RAPGEF4: variants seen among roughly 807,000 people sequenced by gnomAD.
The protein encoded by RAPGEF4 is RAP guanine-nucleotide-exchange factor (GEF) 4.
RAPGEF4 carries 66 observed loss-of-function variants against 147.9 expected under a neutral mutation model. That is an observed-to-expected ratio of 0.45 (90% CI 0.37 to 0.55). RAPGEF4 has a LOEUF of 0.55. Among genes scored for constraint, RAPGEF4 ranks in the 20% least tolerant of loss-of-function variants. RAPGEF4 has a pLI of 0.00. For missense variants in RAPGEF4, 1,071 were observed against 1,257.3 expected (o/e 0.85, Z 2.24); for synonymous variants, 419 against 442.7 (o/e 0.95, Z 0.67).
intron 6 of RAPGEF4, among the ~76,000 whole-genome samples, chr2:172,924,223 C>G (rs1559123426): frequency 1.3e-5 from 2 of 152,194 alleles, no homozygotes; most frequent in African/African-American, 2.4e-5. Flanking sequence ...GTTCTAGGCT[C>G]CAAAAGGAAG....
chr2:172,913,853 A>G (rs1047554949), intron 4 of RAPGEF4, among the ~76,000 whole-genome samples: 1 of 152,190 alleles, frequency 6.6e-6, no homozygotes, highest in African/African-American at 2.4e-5. Flanking sequence ...AGTGAAAACT[A>G]AGTCTCTCTC....
intron 5 of RAPGEF4, among the ~76,000 whole-genome samples, chr2:172,921,193 T>C (rs1486559418): frequency 6.6e-6 from 1 of 152,098 alleles, no homozygotes; most frequent in African/African-American, 2.4e-5. Context: ...TTGCTCACTA[T>C]AGCCTTAACC....
chr2:172,787,834 G>A (rs1048215262), intron 1 of RAPGEF4, among the ~76,000 whole-genome samples: 1 of 151,966 alleles, frequency 6.6e-6, no homozygotes, highest in Non-Finnish European at 1.5e-5. Context: ...TGCCCAGGGT[G>A]GTCTTGAACT....
chr2:172,737,443 A>C (rs1301042025), intron 1 of RAPGEF4, among the ~76,000 whole-genome samples: 1 of 92,908 alleles, frequency 1.1e-5, no homozygotes, highest in Non-Finnish European at 2.3e-5. Flanking sequence ...CTTCCTTATG[A>C]GCAAAATTTT....
intron 4 of RAPGEF4, among the ~76,000 whole-genome samples, chr2:172,902,587 C>T (rs1368061789): frequency 3.3e-5 from 5 of 152,146 alleles, no homozygotes; most frequent in Non-Finnish European, 1.5e-5. Flanking sequence ...TCATGCCCCA[C>T]CCCTTCAAAC....
At chr2:172,794,830 C>T (rs1350332469) in intron 1 of RAPGEF4, among the ~76,000 whole-genome samples, 195 bp from the exon 2 acceptor site, 1 of 152,042 alleles carries the variant, frequency 6.6e-6, no homozygotes, top group African/African-American at 2.4e-5. Context: ...TGATTTAAGG[C>T]GAATAGTTGG....
intron 4 of RAPGEF4, among the ~76,000 whole-genome samples, chr2:172,882,668 T>A (rs1460092426): frequency 6.6e-6 from 1 of 152,180 alleles, no homozygotes; most frequent in Non-Finnish European, 1.5e-5. Flanking sequence ...GGTCATTTCA[T>A]CTCTGAGACT....
chr2:172,988,313 A>G, intron 13 of RAPGEF4, 41 bp downstream of exon 13: 2 of 1,580,242 alleles, frequency 1.3e-6, no homozygotes, highest in Non-Finnish European at 8.5e-7. Flanking sequence ...ATTACGCTCC[A>G]CTTACTAGTG....
Position 173,017,496 on chromosome 2 carries a change from C to A in RAPGEF4, c.2000C>A (p.Ser667Tyr). The A allele has an allele frequency of 6.2e-7, 1 of 1,613,500 alleles. No homozygotes were observed. The highest frequency in any genetic ancestry group is 8.5e-7 in the Non-Finnish European group (1 of 1,179,464). ...CAGAAGCGCCAGCCTATCCGCGGCTCTGATGAAGGTGAGAACCCTCTTCCA... is the reference window on the plus strand; with the variant it reads ...CAGAAGCGCCAGCCTATCCGCGGCTATGATGAAGGTGAGAACCCTCTTCCA... ...RAQKRQPIRG[S>Y]DEVLFKVYCM... The change falls in exon 21 of 31, where the codon TCT (serine) becomes TAT (tyrosine). Residue 667 changes from serine to tyrosine, a missense_variant. Physicochemically the swap from Ser to Tyr is moderately radical, Grantham distance 144. Transcript: ENST00000397081.
At chr2:172,826,806 G>C (rs1312078337) in intron 4 of RAPGEF4, among the ~76,000 whole-genome samples, 1 of 151,944 alleles carries the variant, frequency 6.6e-6, no homozygotes, top group Non-Finnish European at 1.5e-5. Flanking sequence ...GTCTCTACAA[G>C]AAACACACAC....
intron 4 of RAPGEF4, among the ~76,000 whole-genome samples, chr2:172,827,671 A>G (rs1276933877): frequency 1.3e-5 from 2 of 152,162 alleles, no homozygotes; most frequent in Non-Finnish European, 2.9e-5. Flanking sequence ...GGTACATAAT[A>G]TCCCTAAATC....
At chr2:172,738,648 T>C (rs1214838290) in intron 1 of RAPGEF4, among the ~76,000 whole-genome samples, 1 of 152,178 alleles carries the variant, frequency 6.6e-6, no homozygotes, top group Non-Finnish European at 1.5e-5. Flanking sequence ...TTTTATAAAA[T>C]CTTTTTTATT....
Position 172,994,045 on chromosome 2 carries a change from G to A in RAPGEF4, c.1491-2421G>A, listed in dbSNP as rs141594039. ...ATGTCCAAACAAAGAATACCAGAAT[G>A]TGAAGCCAACCTTCTAGTAGAATTA... On this transcript the variant is annotated intron_variant, in intron 15 of 30. Transcript: ENST00000397081. Among the ~76,000 whole-genome samples the A allele has an allele frequency of 2.0e-3, 310 of 152,302 alleles. 3 individuals carry two copies. Among genetic ancestry groups the A allele is most frequent in the Middle Eastern group, 0.01 (3 of 294 alleles).
chr2:172,950,773 C>T (rs917279736), intron 6 of RAPGEF4, among the ~76,000 whole-genome samples: 1 of 152,150 alleles, frequency 6.6e-6, no homozygotes, highest in African/African-American at 2.4e-5. Flanking sequence ...CACAATAATT[C>T]CTTTAACTGG....
rs150771615 is a variant in RAPGEF4, at chr2:172,738,252, A to G, written c.65+2204A>G. Among the ~76,000 whole-genome samples the G allele has an allele frequency of 1.7e-4, 26 of 152,248 alleles. No individual in the cohort carries two copies. In the East Asian group the frequency reaches 5.0e-3, roughly 29 times the overall value. On this transcript the variant is annotated intron_variant, in intron 1 of 30. Transcript: ENST00000397081. ...TCTTTTCCAGGCACTGTGAAATGCTATCTTGATCCTCTTTTAAATGCTATC... is the reference window on the plus strand; with the variant it reads ...TCTTTTCCAGGCACTGTGAAATGCTGTCTTGATCCTCTTTTAAATGCTATC...
intron 4 of RAPGEF4, among the ~76,000 whole-genome samples, chr2:172,854,013 G>A (rs572035209): frequency 6.6e-6 from 1 of 151,940 alleles, no homozygotes; most frequent in African/African-American, 2.4e-5. Flanking sequence ...TATTTACCAA[G>A]GTATTCCTAT....
At chr2:172,843,685 A>G (rs1691862099) in intron 4 of RAPGEF4, among the ~76,000 whole-genome samples, 1 of 152,208 alleles carries the variant, frequency 6.6e-6, no homozygotes, top group Non-Finnish European at 1.5e-5. Context: ...TATTCATCCC[A>G]CTTAGTGTGA....
chr2:172,810,385 G>A (rs1687909005), intron 3 of RAPGEF4, among the ~76,000 whole-genome samples: 1 of 152,218 alleles, frequency 6.6e-6, no homozygotes, highest in South Asian at 2.1e-4. Flanking sequence ...AATAAATGAG[G>A]CATCGTCATT....
rs148035067 is a variant in RAPGEF4, at chr2:172,742,672, T to C, written c.65+6624T>C. On this transcript the variant is annotated intron_variant, in intron 1 of 30. Transcript: ENST00000397081. ...CAAATACATGGGAGCACATGACATA[T>C]ATATTTGGAGTAATTTGAGAACAAT... 2.8e-4 allele frequency among the ~76,000 whole-genome samples: 43 copies of C among 152,342 alleles called. No individual in the cohort carries two copies. In the East Asian group the frequency reaches 7.3e-3, roughly 26 times the overall value.
Sources: gnomAD v4.1 joint callset for allele counts (sites outside exome capture counted in the v4.1 genomes callset) on GRCh38, gnomAD v4.1.1 for gene constraint, MANE v1.5 for transcripts, NCBI Gene and HGNC (gene_info 2026-07-23, HGNC 2026-07-21) for gene names.